The following PCTP variants were observed in gnomAD, a reference collection of about 807,000 sequenced individuals.
PCTP encodes phosphatidylcholine transfer protein.
Under a neutral mutation model 31.0 loss-of-function variants are expected in PCTP, and 27 were observed. The ratio of observed to expected loss-of-function variants is 0.87; its 90% CI spans 0.64 to 1.20. The LOEUF (loss-of-function observed/expected upper bound fraction) is 1.20. Among genes scored for constraint, PCTP ranks in the 50% most tolerant of loss-of-function variants. PCTP has a pLI of 0.00. For missense variants in PCTP, 287 were observed against 268.2 expected (o/e 1.07, Z -0.49); for synonymous variants, 108 against 101.2 (o/e 1.07, Z -0.40).
At chr17:55,777,612 A>T (rs1911402540), downstream of PCTP, among the ~76,000 whole-genome samples, 1 of 152,220 alleles carries the variant, frequency 6.6e-6, no homozygotes, top group South Asian at 2.1e-4. Context: ...TCCTGGTAGC[A>T]TTGTCGCTAA....
intron 3 of PCTP, among the ~76,000 whole-genome samples, chr17:55,789,918 A>G (rs866246370): frequency 1.3e-5 from 2 of 152,300 alleles, no homozygotes; most frequent in Middle Eastern, 3.4e-3. Flanking sequence ...AATACTGGCA[A>G]ACCGAATCCA....
chr17:55,845,920 GTGTGTGTA>G (rs1416227118), downstream of PCTP, among the ~76,000 whole-genome samples: 1,047 of 151,476 alleles, frequency 6.9e-3, 14 homozygotes, highest in African/African-American at 0.024. Flanking sequence ...GTGTGTGTGT[GTGTGTGTA>G]TGTGTGTGTG....
At chr17:55,815,397 A>G (rs1404832758) in intron 3 of PCTP, among the ~76,000 whole-genome samples, 1 of 152,194 alleles carries the variant, frequency 6.6e-6, no homozygotes, top group Non-Finnish European at 1.5e-5. Flanking sequence ...CCTGAAATAC[A>G]ATTTATCTGC....
rs1400850621 is a variant in PCTP at position 55,775,309 on chromosome 17, A to G, written c.579+450A>G. 9 of 1,234,684 alleles carry G rather than the reference A, an allele frequency of 7.3e-6. No homozygotes were observed. The South Asian group carries it at 2.4e-4, about 33-fold the overall frequency. 76.5% of individuals were successfully genotyped at this position (1,234,684 alleles called of 1,614,324 possible). A position where few individuals can be genotyped will look rare whatever the true frequency, so the allele number is the denominator to read the frequency against. On this transcript the variant is annotated intron_variant, in intron 5 of 5. Transcript: ENST00000268896. Reference sequence around the variant, plus strand: ...TTTTTTTTTTTTCTTTTTCTCTATAAGGGAGGGAACTGCAGTGGTAGTTTG... The same window carrying G: ...TTTTTTTTTTTTCTTTTTCTCTATAGGGGAGGGAACTGCAGTGGTAGTTTG...
intron 4 of PCTP, among the ~76,000 whole-genome samples, 174 bp from the exon 5 acceptor site, chr17:55,774,618 A>G (rs1315579094): frequency 6.6e-6 from 1 of 152,174 alleles, no homozygotes; most frequent in Non-Finnish European, 1.5e-5. Flanking sequence ...AAAAGTGCCT[A>G]TATTTAAGTA....
intron 3 of PCTP, among the ~76,000 whole-genome samples, chr17:55,810,725 C>T (rs1451545023): frequency 6.6e-6 from 1 of 152,120 alleles, no homozygotes; most frequent in Non-Finnish European, 1.5e-5. Flanking sequence ...GGATGCTTCC[C>T]TAAGAGTCCA....
At chr17:55,759,123 G>A (rs1184157635) in intron 1 of PCTP, among the ~76,000 whole-genome samples, 1 of 152,222 alleles carries the variant, frequency 6.6e-6, no homozygotes, top group Non-Finnish European at 1.5e-5. Context: ...GGGCAATGCT[G>A]AATAGAGGTT....
intron 2 of PCTP, among the ~76,000 whole-genome samples, chr17:55,782,828 C>G (rs986624126): frequency 6.6e-6 from 1 of 152,168 alleles, no homozygotes; most frequent in Admixed American, 6.5e-5. Context: ...TGAAGTCAAT[C>G]CCTATTCCTT....
At chr17:55,802,598 A>G (rs1422040365) in intron 3 of PCTP, among the ~76,000 whole-genome samples, 1 of 152,224 alleles carries the variant, frequency 6.6e-6, no homozygotes, top group Non-Finnish European at 1.5e-5. Context: ...TCCATCACAT[A>G]AAACCAATGA....
rs145447335 is a variant in PCTP at position 55,787,027 on chromosome 17, ATGTG to A, written c.229-518_229-515del. On this transcript the variant is annotated intron_variant, in intron 2 of 3. Transcript: ENST00000572536. The stretch of plus-strand genomic sequence containing the variant: ...TGCTTGTGCATATGCATGTGTGAGC[ATGTG>A]TGTGTGTGTGTGTGTGTGTGGTAGA... 9.5e-4 allele frequency among the ~76,000 whole-genome samples: 140 copies of A among 147,868 alleles called. 1 individual carries two copies. The highest frequency in any genetic ancestry group is 2.1e-3 in the African/African-American group (86 of 40,574).
chr17:55,830,003 C>T (rs898427073), intron 5 of PCTP, among the ~76,000 whole-genome samples: 1 of 152,128 alleles, frequency 6.6e-6, no homozygotes, highest in Non-Finnish European at 1.5e-5. Context: ...TTTTATGACA[C>T]CAAATAGCGG....
intron 3 of PCTP, among the ~76,000 whole-genome samples, chr17:55,772,164 A>G (rs185419828): frequency 3.0e-4 from 45 of 152,320 alleles, no homozygotes; most frequent in African/African-American, 1.1e-3. Context: ...AAGGTGTAGG[A>G]GAAAGGAACC....
the PCTP span, among the ~76,000 whole-genome samples, chr17:55,849,021 A>G: frequency 1.3e-5 from 2 of 152,212 alleles, no homozygotes; most frequent in Non-Finnish European, 2.9e-5. Flanking sequence ...AGATGTGAAG[A>G]AGCTAGAAAA....
chr17:55,823,634 T>C (rs569393307), downstream of PCTP, among the ~76,000 whole-genome samples: 1 of 152,252 alleles, frequency 6.6e-6, no homozygotes, highest in African/African-American at 2.4e-5. Context: ...TGGCTCCTAG[T>C]GTCCCCTTCT....
rs377560303 is a variant in PCTP, at chr17:55,774,058, C to T, written c.511+163C>T. 5.3e-5 allele frequency among the ~76,000 whole-genome samples: 8 copies of T among 152,302 alleles called. No homozygotes were observed. The South Asian group carries it at 1.5e-3, about 28-fold the overall frequency. ...ATCAGCACCTAGAGAGAGCCTCATTCCACCCCAACAAACTTGAGTAGAGTA... is the reference window on the plus strand; with the variant it reads ...ATCAGCACCTAGAGAGAGCCTCATTTCACCCCAACAAACTTGAGTAGAGTA... On this transcript the variant is annotated intron_variant, in intron 4 of 5. Coordinates refer to ENST00000268896, the MANE Select transcript of PCTP (RefSeq NM_021213.4).
chr17:55,796,466 T>A (rs1912191542), intron 3 of PCTP, among the ~76,000 whole-genome samples: 1 of 152,022 alleles, frequency 6.6e-6, no homozygotes, highest in Non-Finnish European at 1.5e-5. Flanking sequence ...AAACTTCATC[T>A]GGACTCATTG....
At chr17:55,787,136 A>G (rs1597997227) in intron 2 of PCTP, among the ~76,000 whole-genome samples, 1 of 151,400 alleles carries the variant, frequency 6.6e-6, no homozygotes, top group South Asian at 2.1e-4. Flanking sequence ...GATCGTCTTC[A>G]TTGTTTTTCT....
At chr17:55,794,153 C>T (rs919956754) in intron 3 of PCTP, among the ~76,000 whole-genome samples, 2 of 152,036 alleles carry the variant, frequency 1.3e-5, no homozygotes, top group African/African-American at 4.8e-5. Context: ...TAAACCAATA[C>T]AGCCATATTT....
chr17:55,845,707 C>T (rs1227253923), downstream of PCTP, among the ~76,000 whole-genome samples: 1 of 152,152 alleles, frequency 6.6e-6, no homozygotes, highest in Non-Finnish European at 1.5e-5. Context: ...CCTGCGGCCT[C>T]CTTCAGCACC....
Sources: allele counts gnomAD v4.1 joint callset (sites outside exome capture counted in the v4.1 genomes callset), GRCh38; gene constraint gnomAD v4.1.1; transcripts MANE v1.5; gene names NCBI Gene and HGNC (gene_info 2026-07-23, HGNC 2026-07-21).